Variants in CEP97 observed in about 807,000 individuals in gnomAD.
The protein encoded by CEP97 is centrosomal protein 97, also known as centrosomal protein of 97 kDa.
Under a neutral mutation model 73.1 loss-of-function variants are expected in CEP97, and 43 were observed. That is an observed-to-expected ratio of 0.59 (90% CI 0.46 to 0.76). CEP97 has a LOEUF of 0.76. Among genes scored for constraint, CEP97 ranks in the 30% least tolerant of loss-of-function variants. The pLI is 0.00. For synonymous variants in CEP97, 337 were observed against 370.0 expected (o/e 0.91, Z 1.02); for missense variants, 939 against 1,014.0 (o/e 0.93, Z 1.00).
intron 6 of CEP97, among the ~76,000 whole-genome samples, chr3:101,751,431 G>T (rs1028149882): frequency 6.6e-6 from 1 of 152,110 alleles, no homozygotes; most frequent in Non-Finnish European, 1.5e-5. Context: ...TATTAGGTCC[G>T]CTTGGTGCAG....
chr3:101,742,122 C>T (rs2107153426), intron 6 of CEP97, among the ~76,000 whole-genome samples: 1 of 151,602 alleles, frequency 6.6e-6, no homozygotes, highest in East Asian at 1.9e-4. Context: ...GAAATAGGAA[C>T]ACTTTTATAC....
At position 101,757,660 on chromosome 3, in the gene CEP97, G is replaced by A. The variant is rs1437461509; in HGVS notation, c.1054G>A (p.Val352Ile). Residue 352 changes from valine to isoleucine, a missense_variant, in exon 9 of 11, where the codon GTT becomes ATT. By Grantham distance (29) the Val-to-Ile change is conservative. Transcript: ENST00000341893. ...SEPVIQVNSW[V>I]GINSNDDQLF... ...ACCCGTCATTCAAGTGAATTCTTGGGTTGGGATAAACAGTAATGATGATCA... is the reference window on the plus strand; with the variant it reads ...ACCCGTCATTCAAGTGAATTCTTGGATTGGGATAAACAGTAATGATGATCA... 1 of 1,613,248 alleles carries A rather than the reference G, an allele frequency of 6.2e-7. No homozygotes were observed. Among genetic ancestry groups the A allele is most frequent in the South Asian group, 1.1e-5 (1 of 91,056 alleles).
intron 6 of CEP97, among the ~76,000 whole-genome samples, chr3:101,733,728 C>T (rs1290011934): frequency 1.3e-5 from 2 of 151,974 alleles, no homozygotes; most frequent in African/African-American, 4.8e-5. Flanking sequence ...GACGGGGTTT[C>T]ACCGTTTTAG....
At chr3:101,725,972 G>T (rs980451873) in intron 1 of CEP97, among the ~76,000 whole-genome samples, 6 of 151,048 alleles carry the variant, frequency 4.0e-5, no homozygotes, top group Non-Finnish European at 7.4e-5. Context: ...GAGCCCAAAA[G>T]AAATCAATAA....
intron 6 of CEP97, among the ~76,000 whole-genome samples, chr3:101,745,796 G>A (rs1223068668): frequency 6.6e-6 from 1 of 151,462 alleles, no homozygotes; most frequent in Non-Finnish European, 1.5e-5. Flanking sequence ...GGGTACATGT[G>A]CACAATGTGC....
intron 6 of CEP97, among the ~76,000 whole-genome samples, chr3:101,741,723 C>T (rs1166786301): frequency 6.6e-6 from 1 of 152,092 alleles, no homozygotes; most frequent in African/African-American, 2.4e-5. Context: ...CCATCTCATG[C>T]CAGTTAGAAT....
chr3:101,736,672 C>T (rs1018491683), intron 6 of CEP97, among the ~76,000 whole-genome samples: 4 of 152,170 alleles, frequency 2.6e-5, no homozygotes, highest in African/African-American at 9.7e-5. Context: ...AGGACATCCA[C>T]ACAGAAACCC....
chr3:101,760,022 C>CAAAAAAAAAAAAAAAAAAAAAAA, intron 9 of CEP97, among the ~76,000 whole-genome samples: 1 of 88,628 alleles, frequency 1.1e-5, no homozygotes, highest in East Asian at 4.6e-4. Flanking sequence ...GATGGTGCAG[C>CAAAAAAAAAAAAAAAAAAAAAAA]AAAAAAAAAA....
chr3:101,752,763 C>T (rs1357273340), intron 6 of CEP97, among the ~76,000 whole-genome samples: 1 of 152,188 alleles, frequency 6.6e-6, no homozygotes, highest in Non-Finnish European at 1.5e-5. Flanking sequence ...TTAAGCACTT[C>T]TCTGTATTGA....
rs1267780218 is a variant in CEP97, at chr3:101,768,320, G to A, written c.*2769G>A. The A allele has an allele frequency of 6.6e-6, 1 of 152,098 alleles. No homozygotes were observed. Among genetic ancestry groups the A allele is most frequent in the Non-Finnish European group, 1.5e-5 (1 of 68,022 alleles). 9.4% of individuals were successfully genotyped at this position (152,098 alleles called of 1,614,324 possible). ...CTACTGTAGTCCAAAATTTTATTAT[G>A]TCCTCTTAATCTTTACATTTAGTGA... On this transcript the variant is annotated 3_prime_UTR_variant, in exon 11 of 11. Coordinates refer to ENST00000341893, the MANE Select transcript of CEP97 (RefSeq NM_024548.4).
At chr3:101,746,974 A>T (rs1470177966) in intron 6 of CEP97, among the ~76,000 whole-genome samples, 1 of 149,796 alleles carries the variant, frequency 6.7e-6, no homozygotes, top group Non-Finnish European at 1.5e-5. Flanking sequence ...CAAAACCACA[A>T]TGAGATACCA....
chr3:101,755,845 C>G (rs1372060082), intron 7 of CEP97, among the ~76,000 whole-genome samples: 1 of 152,072 alleles, frequency 6.6e-6, no homozygotes, highest in African/African-American at 2.4e-5. Context: ...TCTGTGAGTA[C>G]AGCAGTGCAG....
At chr3:101,752,665 C>G (rs1938870603) in intron 6 of CEP97, among the ~76,000 whole-genome samples, 2 of 152,178 alleles carry the variant, frequency 1.3e-5, no homozygotes, top group South Asian at 4.1e-4. Flanking sequence ...CACTGATACC[C>G]TTTCTTCCAG....
intron 6 of CEP97, among the ~76,000 whole-genome samples, chr3:101,744,004 CA>C (rs36050896): frequency 0.056 from 6,237 of 111,602 alleles, 423 homozygotes; most frequent in African/African-American, 0.19. Context: ...AACTCCGTCT[CA>C]AAAAAAAAAA....
Position 101,726,030 on chromosome 3 carries a change from C to T in CEP97, c.44-564C>T, listed in dbSNP as rs143898515. Among the ~76,000 whole-genome samples the T allele has an allele frequency of 2.7e-4, 41 of 152,290 alleles. No individual in the cohort carries two copies. The East Asian group carries it at 7.3e-3, about 27-fold the overall frequency. The stretch of plus-strand genomic sequence containing the variant: ...TTAATTGGTGGAGCCAGGGTTTGAA[C>T]GTCTATGTTATACTAAAGTGCCTTA... On this transcript the variant is annotated intron_variant, in intron 1 of 10. Coordinates refer to ENST00000341893, the MANE Select transcript of CEP97 (RefSeq NM_024548.4).
intron 1 of CEP97, among the ~76,000 whole-genome samples, chr3:101,725,050 G>A (rs1164201029): frequency 6.6e-6 from 1 of 152,214 alleles, no homozygotes; most frequent in East Asian, 1.9e-4. Flanking sequence ...TGAGTCATGG[G>A]TGCCTAAGCG....
intron 6 of CEP97, among the ~76,000 whole-genome samples, chr3:101,733,816 C>T (rs1938192289): frequency 6.6e-6 from 1 of 151,678 alleles, no homozygotes; most frequent in Non-Finnish European, 1.5e-5. Flanking sequence ...AGGCGTGAGC[C>T]ACCGCGCCCA....
rs1270988478 is a variant in CEP97, at chr3:101,731,868, C to G, written c.476C>G (p.Thr159Ser). The G allele has an allele frequency of 3.1e-6, 5 of 1,605,850 alleles. No individual in the cohort carries two copies. In the South Asian group the frequency reaches 5.5e-5, roughly 18 times the overall value. Reference sequence around the variant, plus strand: ...CTGCTTTTACATGGAAACATCATCACCTCTCTTAGAATGGCACCTGCTTAC... The same window carrying G: ...CTGCTTTTACATGGAAACATCATCAGCTCTCTTAGAATGGCACCTGCTTAC... Reference protein sequence around the residue: ...KTLLLHGNIITSLRMAPAYLP... With the variant: ...KTLLLHGNIISSLRMAPAYLP... The change falls in exon 5 of 11, where the codon ACC becomes AGC. Residue 159 changes from threonine (T) to serine (S), a missense_variant. Thr to Ser is a moderately conservative substitution (Grantham distance 58). Coordinates refer to ENST00000341893, the MANE Select transcript of CEP97 (RefSeq NM_024548.4).
intron 10 of CEP97, chr3:101,763,087 T>G (rs1218145142): frequency 1.7e-6 from 2 of 1,202,464 alleles, no homozygotes; most frequent in Admixed American, 5.2e-5. Flanking sequence ...TTAATAAAAT[T>G]TTCATTTCTT....
Sources: gnomAD v4.1 joint callset for allele counts (sites outside exome capture counted in the v4.1 genomes callset) on GRCh38, gnomAD v4.1.1 for gene constraint, MANE v1.5 for transcripts, NCBI Gene and HGNC (gene_info 2026-07-23, HGNC 2026-07-21) for gene names.